MECOM: variants seen among roughly 807,000 people sequenced by gnomAD.
MECOM encodes the protein histone-lysine N-methyltransferase MECOM.
Under a neutral mutation model 116.3 loss-of-function variants are expected in MECOM, and 13 were observed. That is an observed-to-expected ratio of 0.11 (90% CI 0.07 to 0.18). MECOM has a LOEUF of 0.18. MECOM is among the 10% of genes least tolerant of loss of function. The pLI is 1.00. For missense variants in MECOM, 1,299 were observed against 1,509.0 expected (o/e 0.86, Z 2.31); for synonymous variants, 528 against 535.2 (o/e 0.99, Z 0.19).
intron 2 of MECOM, among the ~76,000 whole-genome samples, chr3:169,156,602 G>A (rs966943596): frequency 6.6e-6 from 1 of 152,140 alleles, no homozygotes; most frequent in Non-Finnish European, 1.5e-5. Context: ...TCCTTTGCCT[G>A]TAAACTATTA....
intron 13 of MECOM, 28 bp from the exon 14 acceptor site, chr3:169,093,130 CAA>C: frequency 6.4e-7 from 1 of 1,561,840 alleles, no homozygotes; most frequent in Non-Finnish European, 8.6e-7. Flanking sequence ...CCTTTTATGA[CAA>C]AGATTATTGT....
At chr3:169,173,414 C>A (rs949596786) in intron 2 of MECOM, among the ~76,000 whole-genome samples, 1 of 152,096 alleles carries the variant, frequency 6.6e-6, no homozygotes, top group Non-Finnish European at 1.5e-5. Flanking sequence ...CTGGTAATTC[C>A]CTGACAATAC....
intron 2 of MECOM, among the ~76,000 whole-genome samples, chr3:169,334,564 G>C (rs1011518337): frequency 1.3e-5 from 2 of 152,086 alleles, no homozygotes; most frequent in Non-Finnish European, 2.9e-5. Flanking sequence ...AACGCTGGTT[G>C]ATGAGGAGAA....
intron 3 of MECOM, among the ~76,000 whole-genome samples, chr3:169,140,309 A>G (rs1737716293): frequency 6.6e-6 from 1 of 152,096 alleles, no homozygotes; most frequent in South Asian, 2.1e-4. Flanking sequence ...ATTGTAGAGA[A>G]ACTTTAAGGG....
At chr3:169,421,935 TAGAATAA>T (rs1739833056) in intron 1 of MECOM, among the ~76,000 whole-genome samples, 3 of 152,084 alleles carry the variant, frequency 2.0e-5, no homozygotes, top group Admixed American at 2.0e-4. Flanking sequence ...ATAATTAGCA[TAGAATAA>T]AGAATTGAGG....
intron 1 of MECOM, among the ~76,000 whole-genome samples, chr3:169,622,679 T>C (rs2109906962): frequency 6.6e-6 from 1 of 152,338 alleles, no homozygotes; most frequent in Non-Finnish European, 1.5e-5. Context: ...TGGGAGTTAA[T>C]CTGATTAAAT....
chr3:169,437,459 C>T (rs1560273780), intron 1 of MECOM, among the ~76,000 whole-genome samples: 2 of 152,062 alleles, frequency 1.3e-5, no homozygotes, highest in East Asian at 1.9e-4. Context: ...GAACTCAAAC[C>T]GGATCCCATG....
Position 169,093,120 on chromosome 3 carries a change from C to T in MECOM, c.3020-18G>A. 6.4e-7 allele frequency: 1 copy of T among 1,566,466 alleles called. No individual in the cohort carries two copies. Among genetic ancestry groups the T allele is most frequent in the Non-Finnish European group, 8.6e-7 (1 of 1,160,934 alleles). ...TGCTGTACCTGTGTGGAGCAGAAAG[C>T]CTTTTATGACAAAGATTATTGTTTA... On this transcript the variant is annotated intron_variant, in intron 13 of 16. Coordinates refer to ENST00000651503, the MANE Select transcript of MECOM (RefSeq NM_004991.4).
At position 169,093,086 on chromosome 3, in the gene MECOM, C is replaced by T. The variant is rs17466625; in HGVS notation, c.3036G>A (p.Ser1012=). The change falls in exon 14 of 17, where the codon TCG becomes TCA. Residue 1012 remains serine (S), a synonymous_variant. Transcript: ENST00000651503. ...CTGTACTTTCCAGTTCAGAATGAGG[C>T]GACGATGTTGCTGTACCTGTGTGGA... ...NGNMSGTATS[S]PHSELESTGA... is the part of the protein sequence containing the mutation. The T allele has an allele frequency of 0.19, 304,061 of 1,610,586 alleles. 31,013 individuals are homozygous for T. Among genetic ancestry groups the T allele is most frequent in the Non-Finnish European group, 0.21 (243,056 of 1,178,322 alleles).
intron 1 of MECOM, among the ~76,000 whole-genome samples, chr3:169,592,405 TCA>T (rs1560470038): frequency 6.6e-6 from 1 of 152,134 alleles, no homozygotes; most frequent in Non-Finnish European, 1.5e-5. Flanking sequence ...CCTCACCCTT[TCA>T]CAGACAGCCT....
intron 2 of MECOM, among the ~76,000 whole-genome samples, chr3:169,183,684 C>A (rs1177530779): frequency 6.6e-6 from 1 of 151,048 alleles, no homozygotes; most frequent in African/African-American, 2.4e-5. Context: ...CAACTTCCTG[C>A]CTTCCAAGAA....
chr3:169,626,830 T>C (rs1771437166), intron 1 of MECOM, among the ~76,000 whole-genome samples: 1 of 152,148 alleles, frequency 6.6e-6, no homozygotes. Flanking sequence ...CTCTTTTTTT[T>C]TTTCTCTTTC....
At chr3:169,357,703 C>T (rs1310342788) in intron 2 of MECOM, among the ~76,000 whole-genome samples, 1 of 151,512 alleles carries the variant, frequency 6.6e-6, no homozygotes, top group East Asian at 1.9e-4. Flanking sequence ...AGGAAGGTGA[C>T]ACATATATTA....
chr3:169,416,654 AAG>A, intron 1 of MECOM, among the ~76,000 whole-genome samples: 1 of 152,300 alleles, frequency 6.6e-6, no homozygotes, highest in East Asian at 1.9e-4. Flanking sequence ...TAAGGAAGAA[AAG>A]AGAGACAAAT....
chr3:169,457,506 C>A (rs1253597827), intron 1 of MECOM, among the ~76,000 whole-genome samples: 1 of 152,146 alleles, frequency 6.6e-6, no homozygotes, highest in Non-Finnish European at 1.5e-5. Context: ...ATTCACTCTT[C>A]TTATCTGATC....
intron 1 of MECOM, among the ~76,000 whole-genome samples, chr3:169,582,555 A>G (rs1453105116): frequency 2.0e-5 from 3 of 152,196 alleles, no homozygotes; most frequent in Non-Finnish European, 2.9e-5. Context: ...TGTATTATTT[A>G]TCCTCACACA....
rs551796974 is a variant in MECOM, at chr3:169,402,905, A to T, written c.38-21381T>A. ...CTTGCTCAGTGTTGCCTGAAGTGGT[A>T]TTCCTCAGGAAAGGCTCCAAAACCA... On this transcript the variant is annotated intron_variant, in intron 1 of 16. Transcript: ENST00000651503. 2.6e-5 allele frequency among the ~76,000 whole-genome samples: 4 copies of T among 152,316 alleles called. No individual in the cohort carries two copies. In the East Asian group the frequency reaches 5.8e-4, roughly 22 times the overall value.
In MECOM at chr3:169,198,196, C is replaced by G. The variant is rs569882042; in HGVS notation, c.376-54364G>C. On this transcript the variant is annotated intron_variant, in intron 2 of 16. Transcript: ENST00000651503. Reference sequence around the variant, plus strand: ...TGTTGAGTTAGTGACCAGTTCATAACAACAGATAGATACCCTGTTTATTAA... The same window carrying G: ...TGTTGAGTTAGTGACCAGTTCATAAGAACAGATAGATACCCTGTTTATTAA... 2.0e-5 allele frequency among the ~76,000 whole-genome samples: 3 copies of G among 152,084 alleles called. No homozygotes were observed. In the South Asian group the frequency reaches 6.2e-4, roughly 32 times the overall value.
chr3:169,479,652 TAAAAAAAAAAA>T (rs3042768), intron 1 of MECOM, among the ~76,000 whole-genome samples: 6,852 of 126,740 alleles, frequency 0.054, 573 homozygotes, highest in African/African-American at 0.19. Context: ...TTCTCTTACC[TAAAAAAAAAAA>T]AAAAAAAAAA....
Sources: allele counts gnomAD v4.1 joint callset (sites outside exome capture counted in the v4.1 genomes callset), GRCh38; gene constraint gnomAD v4.1.1; transcripts MANE v1.5; gene names NCBI Gene and HGNC (gene_info 2026-07-23, HGNC 2026-07-21).